The following ATOSA variants were observed in gnomAD, a reference collection of about 807,000 sequenced individuals.
The protein encoded by ATOSA is atos homolog A.
the ATOSA span, among the ~76,000 whole-genome samples, chr15:52,672,088 G>A: frequency 6.8e-6 from 1 of 146,930 alleles, no homozygotes; most frequent in Non-Finnish European, 1.5e-5. Context: ...TGTAATCCCA[G>A]CACTTTGAGA....
chr15:52,637,416 C>A, the ATOSA span, among the ~76,000 whole-genome samples: 23 of 152,104 alleles, frequency 1.5e-4, no homozygotes, highest in African/African-American at 4.3e-4. Flanking sequence ...CTCTGCTCTC[C>A]CAACCCCAAA....
At chr15:52,583,437 C>G in the ATOSA span, among the ~76,000 whole-genome samples, 1 of 148,700 alleles carries the variant, frequency 6.7e-6, no homozygotes, top group Non-Finnish European at 1.5e-5. Flanking sequence ...GAGTCTTGCT[C>G]CTTTGCCCAG....
At chr15:52,674,273 C>G in the ATOSA span, among the ~76,000 whole-genome samples, 28 of 150,780 alleles carry the variant, frequency 1.9e-4, no homozygotes, top group South Asian at 5.7e-3. Flanking sequence ...TGGTCTCGAA[C>G]TTCTAAGCTC....
the ATOSA span, among the ~76,000 whole-genome samples, chr15:52,697,332 C>T: frequency 6.6e-6 from 1 of 152,194 alleles, no homozygotes; most frequent in Admixed American, 6.5e-5. Flanking sequence ...ATCCTTGCTT[C>T]TGTAGCATGT....
At chr15:52,651,938 C>G in the ATOSA span, 2 of 1,535,224 alleles carry the variant, frequency 1.3e-6, no homozygotes, top group Non-Finnish European at 1.7e-6. Flanking sequence ...AAGTTGCCTT[C>G]TGGCTATCAA....
chr15:52,672,662 T>C, the ATOSA span, among the ~76,000 whole-genome samples: 1 of 152,192 alleles, frequency 6.6e-6, no homozygotes, highest in African/African-American at 2.4e-5. Flanking sequence ...TCTATATTTG[T>C]TCACAATGCA....
the ATOSA span, chr15:52,678,167 C>T: frequency 1.0e-6 from 1 of 953,352 alleles, no homozygotes; most frequent in African/African-American, 1.6e-5. Flanking sequence ...ATTCTAATAC[C>T]CGGACCTTGC....
the ATOSA span, among the ~76,000 whole-genome samples, chr15:52,622,811 G>A: frequency 2.6e-5 from 4 of 151,996 alleles, no homozygotes; most frequent in African/African-American, 9.7e-5. Context: ...GCAGTGGGGA[G>A]AGAGGGAAAG....
At chr15:52,671,861 C>CA in the ATOSA span, among the ~76,000 whole-genome samples, 1 of 151,152 alleles carries the variant, frequency 6.6e-6, no homozygotes, top group African/African-American at 2.4e-5. Context: ...ACCTAAAAGG[C>CA]AGCTAGTGGG....
chr15:52,639,885 G>C, the ATOSA span, among the ~76,000 whole-genome samples: 103 of 151,966 alleles, frequency 6.8e-4, 1 homozygote, highest in African/African-American at 2.1e-3. Flanking sequence ...CAAGTAGCTA[G>C]GATTACAGGC....
At chr15:52,707,804 G>A in the ATOSA span, among the ~76,000 whole-genome samples, 1 of 152,300 alleles carries the variant, frequency 6.6e-6, no homozygotes. Context: ...GAAGAAGAGA[G>A]AGGGAGAGAG....
chr15:52,590,274 A>C, the ATOSA span, among the ~76,000 whole-genome samples: 1 of 152,208 alleles, frequency 6.6e-6, no homozygotes, highest in Admixed American at 6.5e-5. Context: ...TATTATAATG[A>C]AAGTCTTATT....
At chr15:52,684,148 C>CA in the ATOSA span, among the ~76,000 whole-genome samples, 3 of 152,146 alleles carry the variant, frequency 2.0e-5, no homozygotes, top group Non-Finnish European at 4.4e-5. Flanking sequence ...CTGCTCTGGC[C>CA]AATACAGTAG....
chr15:52,595,685 G>C, the ATOSA span, among the ~76,000 whole-genome samples: 1 of 152,096 alleles, frequency 6.6e-6, no homozygotes, highest in Non-Finnish European at 1.5e-5. Flanking sequence ...GATCACTGGC[G>C]ATTTTTTGTA....
At chr15:52,614,816 C>A in the ATOSA span, among the ~76,000 whole-genome samples, 1 of 151,848 alleles carries the variant, frequency 6.6e-6, no homozygotes, top group African/African-American at 2.4e-5. Context: ...CCATTGCACT[C>A]CAGCCTGGGC....
chr15:52,620,246 T>C, the ATOSA span, among the ~76,000 whole-genome samples: 3 of 152,226 alleles, frequency 2.0e-5, no homozygotes, highest in African/African-American at 7.2e-5. Context: ...GATAAACACT[T>C]GCCAGGGTGT....
chr15:52,682,328 GA>G, the ATOSA span, among the ~76,000 whole-genome samples: 1 of 152,192 alleles, frequency 6.6e-6, no homozygotes, highest in South Asian at 2.1e-4. Flanking sequence ...CCCCATCTGT[GA>G]ATGTGAACTT....
the ATOSA span, among the ~76,000 whole-genome samples, chr15:52,618,323 G>A: frequency 6.6e-6 from 1 of 152,176 alleles, no homozygotes; most frequent in Non-Finnish European, 1.5e-5. Context: ...ACAGGTGTGT[G>A]CCACTGCGCC....
chr15:52,689,092 A>T, the ATOSA span, among the ~76,000 whole-genome samples: 1 of 151,754 alleles, frequency 6.6e-6, no homozygotes, highest in African/African-American at 2.4e-5. Context: ...GGAATTCAAC[A>T]TCGTTTGTAC....
Sources: gnomAD v4.1 joint callset for allele counts (sites outside exome capture counted in the v4.1 genomes callset) on GRCh38, gnomAD v4.1.1 for gene constraint, MANE v1.5 for transcripts, NCBI Gene and HGNC (gene_info 2026-07-23, HGNC 2026-07-21) for gene names.